The following NEBL variants were observed in gnomAD, a reference collection of about 807,000 sequenced individuals.
NEBL encodes LIM and SH3 protein 2.
Under a neutral mutation model 140.2 loss-of-function variants are expected in NEBL, and 122 were observed. That is an observed-to-expected ratio of 0.87 (90% confidence interval 0.75 to 1.01). The LOEUF (loss-of-function observed/expected upper bound fraction) is 1.01. Ranked by LOEUF, NEBL falls within the 50% of genes least tolerant of loss-of-function variation. NEBL has a pLI of 0.00. For synonymous variants in NEBL, 436 were observed against 398.9 expected, an observed-to-expected ratio of 1.09 and a Z score of -1.11; for missense variants, 1,365 against 1,231.3, an observed-to-expected ratio of 1.11 and a Z score of -1.62.
At chr10:20,815,780 T>C (rs1274019886) in intron 21 of NEBL, 63 bp from the exon 22 acceptor site, 25 of 1,182,224 alleles carry the variant, frequency 2.1e-5, no homozygotes, top group Non-Finnish European at 3.2e-5. Context: ...GACTTATTTA[T>C]TTATTTAAGA....
chr10:20,950,671 C>G (rs551948299), intron 4 of NEBL, among the ~76,000 whole-genome samples: 69 of 152,290 alleles, frequency 4.5e-4, no homozygotes, highest in Middle Eastern at 6.8e-3. Context: ...CTACTTCTGT[C>G]TTATACTTTA....
intron 2 of NEBL, among the ~76,000 whole-genome samples, chr10:21,100,570 G>C (rs961541122): frequency 6.6e-6 from 1 of 152,166 alleles, no homozygotes; most frequent in Admixed American, 6.5e-5. Context: ...GAAAAATGTA[G>C]ATTCTGTTAA....
At chr10:21,172,764 G>T (rs1417945004) in intron 1 of NEBL, among the ~76,000 whole-genome samples, 1 of 152,154 alleles carries the variant, frequency 6.6e-6, no homozygotes, top group Non-Finnish European at 1.5e-5. Flanking sequence ...AGCCAGAAAC[G>T]ATTTCTGAGC....
At chr10:20,884,176 T>C (rs1295295819) in intron 4 of NEBL, among the ~76,000 whole-genome samples, 1 of 152,246 alleles carries the variant, frequency 6.6e-6, no homozygotes, top group East Asian at 1.9e-4. Context: ...GCATATTTTA[T>C]ATTTCATATG....
intron 2 of NEBL, among the ~76,000 whole-genome samples, chr10:21,023,801 A>G (rs1838901910): frequency 6.6e-6 from 1 of 152,172 alleles, no homozygotes; most frequent in Non-Finnish European, 1.5e-5. Flanking sequence ...GGAGAGTGCA[A>G]TTTGTGTCTC....
At chr10:20,855,952 A>C (rs896196361) in intron 9 of NEBL, among the ~76,000 whole-genome samples, 1 of 152,212 alleles carries the variant, frequency 6.6e-6, no homozygotes, top group African/African-American at 2.4e-5. Context: ...TTTTTACATT[A>C]AAATGTTAAA....
At chr10:21,151,595 C>A (rs1280886189) in intron 2 of NEBL, among the ~76,000 whole-genome samples, 5 of 152,174 alleles carry the variant, frequency 3.3e-5, no homozygotes, top group African/African-American at 1.2e-4. Context: ...TCAGAGCTGC[C>A]CAGATTCTGC....
intron 4 of NEBL, among the ~76,000 whole-genome samples, chr10:20,885,021 A>C (rs1846373273): frequency 6.6e-6 from 1 of 152,196 alleles, no homozygotes; most frequent in South Asian, 2.1e-4. Flanking sequence ...TTATCATTCT[A>C]GTTTGAATTT....
At chr10:20,875,499 T>C (rs1285335861) in intron 5 of NEBL, among the ~76,000 whole-genome samples, 1 of 152,224 alleles carries the variant, frequency 6.6e-6, no homozygotes, top group African/African-American at 2.4e-5. Context: ...TCTGCAGGTA[T>C]AGGCAGACAC....
At chr10:20,825,455 G>A (rs1036055123) in intron 18 of NEBL, among the ~76,000 whole-genome samples, 1 of 152,068 alleles carries the variant, frequency 6.6e-6, no homozygotes, top group African/African-American at 2.4e-5. Flanking sequence ...TCAGGTGTTT[G>A]AGACCAGCCT....
chr10:21,011,722 C>T (rs1308854141), intron 3 of NEBL, among the ~76,000 whole-genome samples: 1 of 152,164 alleles, frequency 6.6e-6, no homozygotes, highest in Non-Finnish European at 1.5e-5. Context: ...TGTGTTCTTC[C>T]TTGGCTCAGG....
chr10:21,063,967 A>G (rs1005090183), intron 2 of NEBL, among the ~76,000 whole-genome samples: 2 of 151,104 alleles, frequency 1.3e-5, no homozygotes, highest in Non-Finnish European at 3.0e-5. Context: ...AGCTACCAGG[A>G]AGGCTGAGGA....
At chr10:21,281,816 T>C (rs192752229) in intron 1 of NEBL, among the ~76,000 whole-genome samples, 1 of 152,128 alleles carries the variant, frequency 6.6e-6, no homozygotes, top group African/African-American at 2.4e-5. Context: ...TCCTCTGTCC[T>C]CCCCCTTCTC....
At chr10:21,283,541 A>G (rs1339385752) in intron 1 of NEBL, among the ~76,000 whole-genome samples, 1 of 152,104 alleles carries the variant, frequency 6.6e-6, no homozygotes, top group Non-Finnish European at 1.5e-5. Flanking sequence ...CCTTCCCTAT[A>G]ACTTTGGAGC....
At chr10:20,809,318 G>A (rs1324176898) in intron 25 of NEBL, among the ~76,000 whole-genome samples, 1 of 152,054 alleles carries the variant, frequency 6.6e-6, no homozygotes, top group African/African-American at 2.4e-5. Context: ...AGCCAACTAT[G>A]CTTGCCATGT....
At chr10:21,012,701 CGATA>C in intron 3 of NEBL, among the ~76,000 whole-genome samples, 1 of 152,006 alleles carries the variant, frequency 6.6e-6, no homozygotes, top group Non-Finnish European at 1.5e-5. Flanking sequence ...ACATCCTCCT[CGATA>C]GATAGACTAT....
chr10:21,141,863 A>G (rs971905933), intron 2 of NEBL, among the ~76,000 whole-genome samples: 2 of 152,174 alleles, frequency 1.3e-5, no homozygotes, highest in Admixed American at 1.3e-4. Flanking sequence ...ACCTGTCCCA[A>G]GGTTCTACCC....
chr10:20,850,280 T>G lies in NEBL; in HGVS notation c.1116+115A>C, dbSNP rs1842377698. On this transcript the variant is annotated intron_variant, in intron 11 of 27. Transcript: ENST00000377122. ...TGGCTGGGTCTAGAAAGCAGGTCCT[T>G]GAATCTGCCCACAGCAGCACTCTTC... is the stretch of plus-strand genomic sequence containing the variant. The G allele has an allele frequency of 4.5e-5, 39 of 858,078 alleles. 1 individual carries two copies. In the South Asian group the frequency reaches 4.7e-4, roughly 10 times the overall value. 53.2% of individuals were successfully genotyped at this position (858,078 alleles called of 1,614,324 possible).
intron 10 of NEBL, among the ~76,000 whole-genome samples, chr10:20,851,795 T>G (rs895673860): frequency 5.3e-5 from 8 of 151,850 alleles, no homozygotes; most frequent in Non-Finnish European, 1.2e-4. Context: ...AAACAAAAAT[T>G]TTGTGAAATA....
Sources: gnomAD v4.1 joint callset for allele counts (sites outside exome capture counted in the v4.1 genomes callset) on GRCh38, gnomAD v4.1.1 for gene constraint, MANE v1.5 for transcripts, NCBI Gene and HGNC (gene_info 2026-07-23, HGNC 2026-07-21) for gene names.